Variants in PEBP4 observed in about 807,000 individuals in gnomAD.
PEBP4 encodes the protein phosphatidylethanolamine-binding protein 4.
PEBP4 carries 22 observed loss-of-function variants against 23.9 expected under a neutral mutation model. The ratio of observed to expected loss-of-function variants is 0.92; its 90% CI spans 0.66 to 1.31. The LOEUF (loss-of-function observed/expected upper bound fraction) is 1.31. Ranked by LOEUF, PEBP4 falls within the 40% of genes most tolerant of loss-of-function variation. The pLI, the probability that PEBP4 is intolerant of heterozygous loss-of-function variation, is 0.00. For missense variants in PEBP4, 324 were observed against 281.7 expected (o/e 1.15, Z -1.07); for synonymous variants, 112 against 99.3 (o/e 1.13, Z -0.76).
intron 4 of PEBP4, among the ~76,000 whole-genome samples, chr8:22,790,293 C>G (rs1269449248): frequency 6.6e-6 from 1 of 152,136 alleles, no homozygotes; most frequent in African/African-American, 2.4e-5. Flanking sequence ...GGTCACAGTC[C>G]AGAGTGGGGG....
intron 1 of PEBP4, among the ~76,000 whole-genome samples, chr8:22,941,053 G>C (rs541464467): frequency 5.9e-4 from 90 of 152,120 alleles, no homozygotes; most frequent in Non-Finnish European, 1.2e-3. Context: ...CGGATGTTGA[G>C]AGTTTGAGAG....
intron 3 of PEBP4, among the ~76,000 whole-genome samples, chr8:22,818,936 G>C (rs1356553664): frequency 6.6e-6 from 1 of 152,104 alleles, no homozygotes; most frequent in Non-Finnish European, 1.5e-5. Flanking sequence ...TGAGCAACTG[G>C]GCCATTAAAT....
chr8:22,786,112 C>A (rs745955492), intron 4 of PEBP4, among the ~76,000 whole-genome samples: 1 of 152,178 alleles, frequency 6.6e-6, no homozygotes, highest in East Asian at 1.9e-4. Flanking sequence ...TCCCCTTCAT[C>A]CGGCTTTTTG....
intron 1 of PEBP4, among the ~76,000 whole-genome samples, chr8:22,935,936 A>T (rs575063278): frequency 1.9e-3 from 292 of 152,134 alleles, no homozygotes; most frequent in Non-Finnish European, 3.6e-3. Flanking sequence ...AAAAGCTTAC[A>T]TTGAGAAGTT....
chr8:22,928,255 C>T (rs1533065), upstream of PEBP4, among the ~76,000 whole-genome samples: 61,730 of 152,104 alleles, frequency 0.41, 13,288 homozygotes, highest in African/African-American at 0.54. Context: ...AGCCTGTGAG[C>T]TTCCCCAAGG....
intron 4 of PEBP4, among the ~76,000 whole-genome samples, chr8:22,801,098 G>C (rs1806372454): frequency 6.6e-6 from 1 of 152,154 alleles, no homozygotes; most frequent in Non-Finnish European, 1.5e-5. Context: ...AACTCATGGA[G>C]AGTAGAAATC....
intron 3 of PEBP4, among the ~76,000 whole-genome samples, chr8:22,880,791 G>C (rs911884505): frequency 1.3e-5 from 2 of 152,348 alleles, no homozygotes; most frequent in African/African-American, 2.4e-5. Context: ...TGGGGCTCTG[G>C]CAGGGGCAGC....
At chr8:22,799,556 G>A (rs1324216811) in intron 4 of PEBP4, among the ~76,000 whole-genome samples, 9 of 152,210 alleles carry the variant, frequency 5.9e-5, no homozygotes, top group Non-Finnish European at 1.3e-4. Flanking sequence ...ATTTATTTAT[G>A]TATTTATTTT....
chr8:22,866,212 G>A (rs1430381932), intron 3 of PEBP4, among the ~76,000 whole-genome samples: 1 of 152,236 alleles, frequency 6.6e-6, no homozygotes, highest in East Asian at 1.9e-4. Context: ...TTAATTATCA[G>A]CCTGCGTTAG....
intron 2 of PEBP4, chr8:22,924,677 A>G: frequency 3.0e-6 from 3 of 985,330 alleles, no homozygotes; most frequent in Non-Finnish European, 3.6e-6. Flanking sequence ...TCCCATCCCT[A>G]GGGGAGCTTG....
intron 4 of PEBP4, among the ~76,000 whole-genome samples, chr8:22,815,962 G>A (rs1272294628): frequency 6.6e-6 from 1 of 152,208 alleles, no homozygotes; most frequent in South Asian, 2.1e-4. Flanking sequence ...GGACCGCCGA[G>A]CAGAGCTCCT....
intron 4 of PEBP4, among the ~76,000 whole-genome samples, chr8:22,784,909 C>T (rs56231228): frequency 0.013 from 1,926 of 152,278 alleles, 19 homozygotes; most frequent in Non-Finnish European, 0.019. Context: ...GAGGGGGGAC[C>T]GTCAGGAACG....
chr8:22,852,151 T>C (rs1396102368), intron 3 of PEBP4, among the ~76,000 whole-genome samples: 1 of 152,108 alleles, frequency 6.6e-6, no homozygotes, highest in Non-Finnish European at 1.5e-5. Context: ...CAGTTTTTAT[T>C]GGGAATCCCA....
intron 3 of PEBP4, among the ~76,000 whole-genome samples, chr8:22,856,074 CTAATA>C (rs1415423524): frequency 7.0e-6 from 1 of 143,640 alleles, no homozygotes; most frequent in African/African-American, 2.6e-5. Flanking sequence ...AAAAGGAAAC[CTAATA>C]TAATAAAAAG....
Position 22,724,922 on chromosome 8 carries a change from G to GC in PEBP4, c.437dup (p.Phe147LeufsTer44), listed in dbSNP as rs779495402. The stretch of plus-strand genomic sequence containing the variant: ...AGACAAAGAACTGGTAGCGATGGAA[G>GC]CCACTGTGTGCCGGTGGGGAGGGAG... On this transcript the variant is annotated frameshift_variant, in exon 6 of 7. Coordinates refer to ENST00000256404, the MANE Select transcript of PEBP4 (RefSeq NM_144962.3). LOFTEE classifies it high-confidence loss of function. The GC allele has an allele frequency of 1.8e-5, 29 of 1,614,138 alleles. No homozygotes were observed. The South Asian group carries it at 2.6e-4, about 15-fold the overall frequency.
At chr8:22,873,366 T>C (rs979516816) in intron 3 of PEBP4, among the ~76,000 whole-genome samples, 3 of 152,148 alleles carry the variant, frequency 2.0e-5, no homozygotes, top group African/African-American at 7.2e-5. Context: ...CAGTGGCTCA[T>C]GCCTATAACC....
intron 3 of PEBP4, among the ~76,000 whole-genome samples, chr8:22,857,241 T>TACAC (rs35324307): frequency 0.029 from 4,254 of 148,086 alleles, 61 homozygotes; most frequent in Middle Eastern, 0.066. Context: ...AAATGAAACC[T>TACAC]ACACACACAC....
chr8:22,772,038 G>A (rs937596058), intron 4 of PEBP4, among the ~76,000 whole-genome samples: 1 of 152,160 alleles, frequency 6.6e-6, no homozygotes, highest in African/African-American at 2.4e-5. Flanking sequence ...GTTCACCCTT[G>A]AAGTCTTTCC....
chr8:22,829,037 G>GGT (rs1807030102), intron 3 of PEBP4, among the ~76,000 whole-genome samples: 1 of 152,122 alleles, frequency 6.6e-6, no homozygotes, highest in Non-Finnish European at 1.5e-5. Flanking sequence ...CCAGGCCACT[G>GGT]GTAACTCCTT....
Sources: allele counts gnomAD v4.1 joint callset (sites outside exome capture counted in the v4.1 genomes callset), GRCh38; gene constraint gnomAD v4.1.1; transcripts MANE v1.5; gene names NCBI Gene and HGNC (gene_info 2026-07-23, HGNC 2026-07-21).